SRGAP1: variants seen among roughly 807,000 people sequenced by gnomAD.
The protein encoded by SRGAP1 is SLIT-ROBO Rho GTPase-activating protein 1.
In SRGAP1, 43 loss-of-function variants were observed where a neutral mutation model predicts 121.9. The ratio of observed to expected loss-of-function variants is 0.35; its 90% CI spans 0.28 to 0.46. SRGAP1 has a LOEUF of 0.46. Ranked by LOEUF, SRGAP1 falls within the 20% of genes least tolerant of loss-of-function variation. SRGAP1 has a pLI of 1.00. For missense variants in SRGAP1, 1,102 were observed against 1,350.9 expected (o/e 0.82, Z 2.89); for synonymous variants, 447 against 485.4 (o/e 0.92, Z 1.04).
chr12:64,077,889 A>G (rs1212320037), intron 8 of SRGAP1, among the ~76,000 whole-genome samples: 1 of 152,206 alleles, frequency 6.6e-6, no homozygotes, highest in Admixed American at 6.5e-5. Context: ...ACTCATATCC[A>G]TCTCAACAAA....
rs551472889 is a variant in SRGAP1, at chr12:63,966,585, A to AT, written c.68-17352dup. 1.9e-3 allele frequency among the ~76,000 whole-genome samples: 285 copies of AT among 150,234 alleles called. 1 individual carries two copies. Among genetic ancestry groups the AT allele is most frequent in the African/African-American group, 6.0e-3 (247 of 41,032 alleles). On this transcript the variant is annotated intron_variant, in intron 1 of 21. Coordinates refer to ENST00000355086, the MANE Select transcript of SRGAP1 (RefSeq NM_020762.4). ...ACTTAAACTACCACCCCATATTCTA[A>AT]TTTTTTTTTTCTAGAATTTCTTTTA...
chr12:64,060,531 C>G lies in SRGAP1; in HGVS notation c.802-2386C>G, dbSNP rs200477424. 1.3e-4 allele frequency among the ~76,000 whole-genome samples: 20 copies of G among 152,064 alleles called. No homozygotes were observed. In the East Asian group the frequency reaches 2.1e-3, roughly 16 times the overall value. ...CCAAGATCCAGCATTTCTAACAAGCCCCTGGTGATGCCATTGCTGCTAGTC... is the reference window on the plus strand; with the variant it reads ...CCAAGATCCAGCATTTCTAACAAGCGCCTGGTGATGCCATTGCTGCTAGTC... On this transcript the variant is annotated intron_variant, in intron 6 of 21. Transcript: ENST00000355086.
At chr12:64,079,284 T>C (rs979072524) in intron 9 of SRGAP1, among the ~76,000 whole-genome samples, 168 bp downstream of exon 9, 2 of 152,026 alleles carry the variant, frequency 1.3e-5, no homozygotes, top group African/African-American at 2.4e-5. Flanking sequence ...TTAGGAGTTA[T>C]TTAGGAGTTA....
intron 4 of SRGAP1, among the ~76,000 whole-genome samples, chr12:64,029,406 A>G (rs933360331): frequency 1.3e-5 from 2 of 152,206 alleles, no homozygotes; most frequent in Admixed American, 6.5e-5. Flanking sequence ...AGTCCTGAGC[A>G]TGGCCGAGTA....
At chr12:64,112,024 A>C in intron 17 of SRGAP1, 38 bp downstream of exon 17, 1 of 1,509,720 alleles carries the variant, frequency 6.6e-7, no homozygotes, top group Non-Finnish European at 9.2e-7. Flanking sequence ...TCCCACCGAA[A>C]ATTATGGAAA....
chr12:63,884,152 G>T (rs972724644), intron 1 of SRGAP1, among the ~76,000 whole-genome samples: 1 of 151,622 alleles, frequency 6.6e-6, no homozygotes, highest in East Asian at 2.0e-4. Flanking sequence ...GTGTGGTGGC[G>T]CATGCCTGTA....
chr12:64,141,153 G>A (rs1027375555), intron 21 of SRGAP1, among the ~76,000 whole-genome samples: 18 of 147,392 alleles, frequency 1.2e-4, no homozygotes, highest in Admixed American at 4.7e-4. Flanking sequence ...GGATAGCATC[G>A]GGAGATATAC....
chr12:64,110,328 GA>G (rs1322034932), intron 16 of SRGAP1, among the ~76,000 whole-genome samples: 3 of 152,142 alleles, frequency 2.0e-5, no homozygotes, highest in Non-Finnish European at 4.4e-5. Context: ...TGTTAATTAA[GA>G]AAGTTCTCAA....
At chr12:64,129,572 C>G (rs1159239633) in intron 21 of SRGAP1, among the ~76,000 whole-genome samples, 1 of 152,042 alleles carries the variant, frequency 6.6e-6, no homozygotes, top group Non-Finnish European at 1.5e-5. Flanking sequence ...ACAAGTCTAC[C>G]CCTTGTCAAC....
intron 12 of SRGAP1, 38 bp downstream of exon 12, chr12:64,091,416 C>A (rs1328314807): frequency 1.4e-6 from 2 of 1,469,466 alleles, no homozygotes; most frequent in Non-Finnish European, 1.9e-6. Context: ...GATCTCCATG[C>A]TTCTTACTAT....
intron 3 of SRGAP1, among the ~76,000 whole-genome samples, chr12:64,003,247 C>T (rs534507492): frequency 1.2e-4 from 18 of 151,942 alleles, no homozygotes; most frequent in Admixed American, 2.6e-4. Context: ...CCACCATGCC[C>T]GGCTAATTTT....
chr12:63,941,216 T>A (rs1003810908), intron 1 of SRGAP1, among the ~76,000 whole-genome samples: 28 of 152,132 alleles, frequency 1.8e-4, no homozygotes, highest in Admixed American at 3.9e-4. Flanking sequence ...TCTCCTACTG[T>A]TTGCGCTTTT....
Position 64,158,983 on chromosome 12 carries a change from A to C in SRGAP1, c.*16311A>C, listed in dbSNP as rs867274160. On this transcript the variant is annotated 3_prime_UTR_variant, in exon 22 of 22. Coordinates refer to ENST00000355086, the MANE Select transcript of SRGAP1 (RefSeq NM_020762.4). ...GTGGATCTATGTACTAAATCTAGCC[A>C]GTGGGTTGTGAGCAAAAATGATCTG... The C allele has an allele frequency of 6.6e-6, 1 of 152,238 alleles. No individual in the cohort carries two copies. The highest frequency in any genetic ancestry group is 6.5e-5 in the Admixed American group (1 of 15,290). 9.4% of individuals were successfully genotyped at this position (152,238 alleles called of 1,614,324 possible). A position where few individuals can be genotyped will look rare whatever the true frequency, so the allele number is the denominator to read the frequency against.
intron 1 of SRGAP1, among the ~76,000 whole-genome samples, chr12:63,888,771 A>G (rs1209220072): frequency 2.0e-5 from 3 of 152,208 alleles, no homozygotes; most frequent in Non-Finnish European, 1.5e-5. Context: ...GGCCCACATC[A>G]TTAGATAATT....
intron 1 of SRGAP1, among the ~76,000 whole-genome samples, chr12:63,951,660 G>T (rs929702142): frequency 5.9e-5 from 9 of 152,084 alleles, no homozygotes; most frequent in African/African-American, 2.2e-4. Context: ...TAAAGAGAAG[G>T]CTTCTTCCAC....
intron 4 of SRGAP1, among the ~76,000 whole-genome samples, chr12:64,031,766 A>G (rs1226686483): frequency 1.3e-5 from 2 of 152,130 alleles, no homozygotes; most frequent in Non-Finnish European, 2.9e-5. Flanking sequence ...TCACGCCTCT[A>G]CTTTGTACTT....
intron 1 of SRGAP1, among the ~76,000 whole-genome samples, chr12:63,914,081 A>G (rs774753044): frequency 1.1e-4 from 17 of 152,218 alleles, no homozygotes; most frequent in Non-Finnish European, 1.8e-4. Flanking sequence ...GTTGTTCAGA[A>G]CAATGACACT....
intron 4 of SRGAP1, among the ~76,000 whole-genome samples, chr12:64,039,777 A>G (rs1232906328): frequency 6.6e-6 from 1 of 152,092 alleles, no homozygotes; most frequent in African/African-American, 2.4e-5. Context: ...AGGTGTGTGT[A>G]GATTCGTTGA....
At chr12:63,900,168 G>A (rs1049248546) in intron 1 of SRGAP1, among the ~76,000 whole-genome samples, 15 of 145,548 alleles carry the variant, frequency 1.0e-4, no homozygotes, top group African/African-American at 3.6e-4. Context: ...TTATGTCTCC[G>A]TTTGCCCTTG....
Sources: gnomAD v4.1 joint callset for allele counts (sites outside exome capture counted in the v4.1 genomes callset) on GRCh38, gnomAD v4.1.1 for gene constraint, MANE v1.5 for transcripts, NCBI Gene and HGNC (gene_info 2026-07-23, HGNC 2026-07-21) for gene names.